The following PTPRM variants were observed in gnomAD, a reference collection of about 807,000 sequenced individuals.
PTPRM encodes the protein receptor-type tyrosine-protein phosphatase mu.
PTPRM carries 47 observed loss-of-function variants against 186.7 expected under a neutral mutation model. The observed-to-expected ratio is 0.25, with a 90% CI of 0.20 to 0.32. The LOEUF is 0.32. PTPRM is among the 10% of genes least tolerant of loss of function. PTPRM has a pLI of 1.00. For missense variants in PTPRM, 1,494 were observed against 1,865.0 expected (o/e 0.80, Z 3.66); for synonymous variants, 668 against 674.9 (o/e 0.99, Z 0.16).
At chr18:7,935,217 C>A (rs1197421223) in intron 5 of PTPRM, among the ~76,000 whole-genome samples, 1 of 152,038 alleles carries the variant, frequency 6.6e-6, no homozygotes, top group Non-Finnish European at 1.5e-5. Flanking sequence ...ACTAGAAATG[C>A]ATAAAGGAGG....
intron 1 of PTPRM, among the ~76,000 whole-genome samples, chr18:7,677,970 T>G (rs991049512): frequency 6.6e-6 from 1 of 152,128 alleles, no homozygotes; most frequent in Non-Finnish European, 1.5e-5. Context: ...ATCTCTGTAC[T>G]CCTCACTGTC....
intron 32 of PTPRM, among the ~76,000 whole-genome samples, chr18:8,395,496 A>G (rs1244020326): frequency 6.6e-6 from 1 of 152,218 alleles, no homozygotes; most frequent in Non-Finnish European, 1.5e-5. Context: ...CAGGCTGGCT[A>G]ATAGTAGTGA....
chr18:7,955,058 G>A, intron 6 of PTPRM, 63 bp from the exon 7 acceptor site: 1 of 1,432,680 alleles, frequency 7.0e-7, no homozygotes, highest in Non-Finnish European at 9.4e-7. Context: ...ATTGATGCAT[G>A]TTTAGCTCTT....
rs551600242 is a variant in PTPRM, at chr18:8,159,535, G to A, written c.2300+15756G>A. ...CTAAAGATGGCCCAGTGTTCATTCC[G>A]GTGTTTATTATGTTTCTGTGATGAC... On this transcript the variant is annotated intron_variant, in intron 14 of 32. Coordinates refer to ENST00000580170, the MANE Select transcript of PTPRM (RefSeq NM_001105244.2). Among the ~76,000 whole-genome samples the A allele has an allele frequency of 1.4e-4, 21 of 152,212 alleles. No individual in the cohort carries two copies. The South Asian group carries it at 3.9e-3, about 29-fold the overall frequency.
At chr18:8,237,658 C>T (rs575099801) in intron 14 of PTPRM, among the ~76,000 whole-genome samples, 24 of 152,092 alleles carry the variant, frequency 1.6e-4, no homozygotes, top group African/African-American at 5.8e-4. Flanking sequence ...GTTGGTTAGG[C>T]TGGTCTCACA....
At chr18:7,821,667 G>T (rs568577676) in intron 2 of PTPRM, among the ~76,000 whole-genome samples, 1 of 152,166 alleles carries the variant, frequency 6.6e-6, no homozygotes, top group African/African-American at 2.4e-5. Context: ...TAATTTGCCA[G>T]TATCACTAGT....
At chr18:8,218,139 G>T (rs1262709965) in intron 14 of PTPRM, among the ~76,000 whole-genome samples, 1 of 152,190 alleles carries the variant, frequency 6.6e-6, no homozygotes, top group Non-Finnish European at 1.5e-5. Flanking sequence ...CCTTTATGCA[G>T]TGGGGCGTGT....
At chr18:7,713,017 G>A (rs1245976434) in intron 1 of PTPRM, among the ~76,000 whole-genome samples, 1 of 151,974 alleles carries the variant, frequency 6.6e-6, no homozygotes, top group African/African-American at 2.4e-5. Context: ...GAAATACAGA[G>A]AACACCACAA....
intron 6 of PTPRM, among the ~76,000 whole-genome samples, chr18:7,952,661 A>C (rs925020263): frequency 6.7e-6 from 1 of 149,078 alleles, no homozygotes; most frequent in Non-Finnish European, 1.5e-5. Flanking sequence ...GCGACACTGC[A>C]CTGGGCGACA....
intron 23 of PTPRM, among the ~76,000 whole-genome samples, chr18:8,354,724 G>A (rs1371973683): frequency 2.6e-5 from 4 of 152,222 alleles, no homozygotes; most frequent in African/African-American, 9.6e-5. Flanking sequence ...CCATTCCACA[G>A]TGCCCCCCGT....
chr18:7,874,874 G>A (rs993539309), intron 2 of PTPRM, among the ~76,000 whole-genome samples: 2 of 152,188 alleles, frequency 1.3e-5, no homozygotes, highest in Non-Finnish European at 2.9e-5. Flanking sequence ...AGGAGAAACA[G>A]AAAACCAAAA....
At chr18:8,141,012 A>G (rs2092754637) in intron 13 of PTPRM, among the ~76,000 whole-genome samples, 1 of 152,198 alleles carries the variant, frequency 6.6e-6, no homozygotes, top group African/African-American at 2.4e-5. Flanking sequence ...TCCCCTGTCC[A>G]AGGCCCGCTG....
rs9954911 is a variant in PTPRM at position 8,293,348 on chromosome 18, G to A, written c.2755-3020G>A. ...ACAAATGCTGAAGAAACACAGCTGT[G>A]ATGTGAGCATCATTCCCCACAAGGG... On this transcript the variant is annotated intron_variant, in intron 19 of 32. Coordinates refer to ENST00000580170, the MANE Select transcript of PTPRM (RefSeq NM_001105244.2). Among the ~76,000 whole-genome samples, 1,277 of 152,336 alleles carry A rather than the reference G, an allele frequency of 8.4e-3. 15 individuals are homozygous for A. Among genetic ancestry groups the A allele is most frequent in the African/African-American group, 0.029 (1,209 of 41,578 alleles).
At chr18:8,019,436 A>G (rs906962194) in intron 7 of PTPRM, among the ~76,000 whole-genome samples, 2 of 152,184 alleles carry the variant, frequency 1.3e-5, no homozygotes, top group Admixed American at 1.3e-4. Context: ...AATTGACAAA[A>G]TGGCGTGATA....
At chr18:8,037,904 A>G (rs1258967748) in intron 7 of PTPRM, among the ~76,000 whole-genome samples, 1 of 152,142 alleles carries the variant, frequency 6.6e-6, no homozygotes, top group Non-Finnish European at 1.5e-5. Context: ...TGTTTATCTA[A>G]TAATTTTGGT....
rs1345519818 is a variant in PTPRM at position 8,126,023 on chromosome 18, A to ATTTTTT, written c.2167+11197_2167+11198insTTTTTT. On this transcript the variant is annotated intron_variant, in intron 13 of 32. Transcript: ENST00000580170. ...TATATATATATATATATATATATATATATATTTTAAATCAGTAGACCTTTC... is the reference window on the plus strand; with the variant it reads ...TATATATATATATATATATATATATATTTTTTTATATTTTAAATCAGTAGACCTTTC... 6.9e-3 allele frequency among the ~76,000 whole-genome samples: 318 copies of ATTTTTT among 45,974 alleles called. 21 individuals carry two copies. The highest frequency in any genetic ancestry group is 0.011 in the Non-Finnish European group (232 of 20,730). 30.2% of individuals were successfully genotyped at this position (45,974 alleles called of 152,430 possible).
chr18:8,079,153 TC>T (rs1198108531), intron 9 of PTPRM, among the ~76,000 whole-genome samples: 139 of 152,344 alleles, frequency 9.1e-4, no homozygotes, highest in Non-Finnish European at 7.3e-5. Context: ...ACATCATTCT[TC>T]TGGTTTTCTT....
chr18:7,597,242 A>G (rs915856574), intron 1 of PTPRM, among the ~76,000 whole-genome samples: 3 of 152,166 alleles, frequency 2.0e-5, no homozygotes, highest in African/African-American at 7.2e-5. Context: ...GACTACTTTT[A>G]TGAGCAGCAG....
At chr18:7,842,953 G>T (rs538746126) in intron 2 of PTPRM, among the ~76,000 whole-genome samples, 4,784 of 101,918 alleles carry the variant, frequency 0.047, 117 homozygotes, top group African/African-American at 0.078. Flanking sequence ...TATATAGAGA[G>T]AGAGAGAGAG....
Sources: allele counts gnomAD v4.1 joint callset (sites outside exome capture counted in the v4.1 genomes callset), GRCh38; gene constraint gnomAD v4.1.1; transcripts MANE v1.5; gene names NCBI Gene and HGNC (gene_info 2026-07-23, HGNC 2026-07-21).